TMCO5A: variants seen among roughly 807,000 people sequenced by gnomAD.
TMCO5A encodes the protein transmembrane and coiled-coil domains 5A.
Under a neutral mutation model 42.3 loss-of-function variants are expected in TMCO5A, and 34 were observed. The ratio of observed to expected loss-of-function variants is 0.80; its 90% CI spans 0.61 to 1.07. The LOEUF (loss-of-function observed/expected upper bound fraction) is 1.07. Ranked by LOEUF, TMCO5A falls within the 50% of genes least tolerant of loss-of-function variation. The pLI is 0.00. For synonymous variants in TMCO5A, 131 were observed against 115.6 expected, an observed-to-expected ratio of 1.13 and a Z score of -0.86; for missense variants, 357 against 327.9, an observed-to-expected ratio of 1.09 and a Z score of -0.69.
chr15:38,007,510 TAA>T, the TMCO5A span, among the ~76,000 whole-genome samples: 20 of 152,164 alleles, frequency 1.3e-4, no homozygotes, highest in Non-Finnish European at 7.3e-5. Flanking sequence ...GGAAACATGA[TAA>T]GAGACATTTC....
chr15:37,942,612 T>A (rs1387832321), intron 9 of TMCO5A: 2 of 192,904 alleles, frequency 1.0e-5, no homozygotes, highest in Admixed American at 1.1e-4. Flanking sequence ...AAAGGCCTTT[T>A]CATTAATACC....
chr15:37,962,316 T>C (rs756123349), intron 11 of TMCO5A, among the ~76,000 whole-genome samples: 6 of 152,140 alleles, frequency 3.9e-5, no homozygotes, highest in Non-Finnish European at 8.8e-5. Context: ...TTGGTTTTAA[T>C]TCTGTTTATG....
the TMCO5A span, among the ~76,000 whole-genome samples, chr15:38,014,206 A>G: frequency 6.6e-6 from 1 of 152,158 alleles, no homozygotes; most frequent in Non-Finnish European, 1.5e-5. Context: ...ACTAAGGCAT[A>G]GATATCTTTG....
chr15:37,965,642 A>G (rs1890537768), intron 11 of TMCO5A, among the ~76,000 whole-genome samples: 1 of 152,242 alleles, frequency 6.6e-6, no homozygotes, highest in Non-Finnish European at 1.5e-5. Flanking sequence ...CAAATGGCAA[A>G]CAGGCATGTG....
chr15:37,976,797 T>C, the TMCO5A span, among the ~76,000 whole-genome samples: 14 of 138,740 alleles, frequency 1.0e-4, no homozygotes, highest in Admixed American at 4.8e-4. Context: ...TTCTTTCTTT[T>C]TTTTTTTTTT....
chr15:38,025,319 G>C, the TMCO5A span, among the ~76,000 whole-genome samples: 2 of 151,866 alleles, frequency 1.3e-5, no homozygotes, highest in Admixed American at 6.6e-5. Flanking sequence ...AACCTTTTTG[G>C]GGGTCTTTTT....
chr15:37,956,980 T>C (rs1390043370), intron 11 of TMCO5A, among the ~76,000 whole-genome samples: 2 of 152,026 alleles, frequency 1.3e-5, no homozygotes, highest in Non-Finnish European at 2.9e-5. Flanking sequence ...ACAGAACCAA[T>C]GACAAAAACC....
At chr15:38,020,017 G>C in the TMCO5A span, among the ~76,000 whole-genome samples, 3 of 151,220 alleles carry the variant, frequency 2.0e-5, no homozygotes, top group Non-Finnish European at 2.9e-5. Context: ...TTTAGAGACA[G>C]GACCTTGCTC....
downstream of TMCO5A, among the ~76,000 whole-genome samples, chr15:37,956,418 T>C (rs533490535): frequency 6.6e-6 from 1 of 152,232 alleles, no homozygotes; most frequent in African/African-American, 2.4e-5. Context: ...ATATCACCAC[T>C]GATCCCACAG....
rs562869848 is a variant in TMCO5A, at chr15:37,940,715, T to A, written c.388-434T>A. On this transcript the variant is annotated intron_variant, in intron 6 of 11. Transcript: ENST00000319669. ...GATACACACATGCTTCACTCCAGCA[T>A]AGCAGCTGATATAGAATGGTCTTTT... 1.3e-3 allele frequency among the ~76,000 whole-genome samples: 202 copies of A among 152,122 alleles called. 1 individual carries two copies. Among genetic ancestry groups the A allele is most frequent in the Non-Finnish European group, 2.6e-3 (180 of 67,972 alleles).
the TMCO5A span, among the ~76,000 whole-genome samples, chr15:37,976,547 A>T: frequency 7.2e-5 from 11 of 152,118 alleles, no homozygotes; most frequent in South Asian, 4.1e-4. Context: ...ATAGCCAATG[A>T]GTCATAGGTT....
At chr15:37,987,456 T>A in the TMCO5A span, among the ~76,000 whole-genome samples, 1 of 151,958 alleles carries the variant, frequency 6.6e-6, no homozygotes, top group African/African-American at 2.4e-5. Flanking sequence ...ATCTAAAAAA[T>A]TGCCAAATCT....
chr15:38,013,759 T>A, the TMCO5A span, among the ~76,000 whole-genome samples: 1 of 152,206 alleles, frequency 6.6e-6, no homozygotes, highest in South Asian at 2.1e-4. Context: ...ACTAAGATAA[T>A]CTGGATTCAA....
chr15:37,966,510 T>A, intron 11 of TMCO5A: 2 of 697,258 alleles, frequency 2.9e-6, no homozygotes, highest in Non-Finnish European at 2.6e-6. Flanking sequence ...ACACCTACTA[T>A]GTACCCACAA....
chr15:38,019,552 C>T, the TMCO5A span, among the ~76,000 whole-genome samples: 2 of 152,122 alleles, frequency 1.3e-5, no homozygotes, highest in African/African-American at 4.8e-5. Context: ...TACCCGTTCA[C>T]ATTCACAACC....
chr15:38,039,065 T>G, the TMCO5A span, among the ~76,000 whole-genome samples: 5 of 152,192 alleles, frequency 3.3e-5, no homozygotes, highest in African/African-American at 1.2e-4. Flanking sequence ...AGTCAAGAGA[T>G]TCACATCATC....
the TMCO5A span, among the ~76,000 whole-genome samples, chr15:37,975,151 A>G: frequency 6.6e-6 from 1 of 152,202 alleles, no homozygotes; most frequent in African/African-American, 2.4e-5. Context: ...GGATTGTTTT[A>G]TGGCCAATTG....
chr15:37,975,739 C>T, the TMCO5A span, among the ~76,000 whole-genome samples: 7 of 150,090 alleles, frequency 4.7e-5, 1 homozygote, highest in South Asian at 1.5e-3. Flanking sequence ...AATTTACATT[C>T]AAGATTAATA....
Position 37,936,921 on chromosome 15 carries a change from T to C in TMCO5A, c.215T>C (p.Met72Thr). Residue 72 changes from methionine (M) to threonine (T), a missense_variant, in exon 4 of 12, where the codon ATG becomes ACG. Physicochemically the swap from Met to Thr is moderately conservative, Grantham distance 81. Coordinates refer to ENST00000319669, the MANE Select transcript of TMCO5A (RefSeq NM_152453.4). ...EEWEKENRTT[M>T]ERERALQELE... ...TGGGAGAAGGAGAACCGCACCACGATGGAAAGGGAAAGAGCCTTGCAGGAG... is the reference window on the plus strand; with the variant it reads ...TGGGAGAAGGAGAACCGCACCACGACGGAAAGGGAAAGAGCCTTGCAGGAG... 1.9e-6 allele frequency: 3 copies of C among 1,612,450 alleles called. No homozygotes were observed. Among genetic ancestry groups the C allele is most frequent in the Non-Finnish European group, 2.5e-6 (3 of 1,179,080 alleles).
Sources: gnomAD v4.1 joint callset for allele counts (sites outside exome capture counted in the v4.1 genomes callset) on GRCh38, gnomAD v4.1.1 for gene constraint, MANE v1.5 for transcripts, NCBI Gene and HGNC (gene_info 2026-07-23, HGNC 2026-07-21) for gene names.